The following RBFOX1 variants were observed in gnomAD, a reference collection of about 807,000 sequenced individuals.
RBFOX1 encodes RNA binding fox-1 homolog 1.
RBFOX1 carries 8 observed loss-of-function variants against 57.7 expected under a neutral mutation model. The ratio of observed to expected loss-of-function variants is 0.14; its 90% CI spans 0.08 to 0.25. The LOEUF is 0.25. Ranked by LOEUF, RBFOX1 falls within the 10% of genes least tolerant of loss-of-function variation. RBFOX1 has a pLI of 1.00. For synonymous variants in RBFOX1, 326 were observed against 222.4 expected (o/e 1.47, Z -4.15); for missense variants, 611 against 548.5 (o/e 1.11, Z -1.14).
intron 3 of RBFOX1, among the ~76,000 whole-genome samples, chr16:5,784,273 C>G (rs894718930): frequency 2.6e-5 from 4 of 151,962 alleles, no homozygotes. Flanking sequence ...TACAAAAAAA[C>G]AAAATTAGCT....
chr16:5,834,424 A>T (rs566473344), intron 3 of RBFOX1, among the ~76,000 whole-genome samples: 1 of 152,294 alleles, frequency 6.6e-6, no homozygotes, highest in East Asian at 1.9e-4. Context: ...GATGCAAAAG[A>T]TAGTATTTTG....
At chr16:6,857,314 C>T (rs1408597847) in intron 3 of RBFOX1, among the ~76,000 whole-genome samples, 1 of 152,176 alleles carries the variant, frequency 6.6e-6, no homozygotes, top group Non-Finnish European at 1.5e-5. Context: ...AACACCTTTA[C>T]TGAAGAACTA....
At chr16:6,224,600 C>T (rs1277945086) in intron 1 of RBFOX1, among the ~76,000 whole-genome samples, 1 of 152,118 alleles carries the variant, frequency 6.6e-6, no homozygotes, top group Non-Finnish European at 1.5e-5. Context: ...AACTGATTCA[C>T]CTGCTAGGTC....
intron 1 of RBFOX1, chr16:5,366,244 C>T (rs765288875): frequency 7.4e-6 from 3 of 404,176 alleles, no homozygotes; most frequent in Non-Finnish European, 1.4e-5. Context: ...AGCATGGTTC[C>T]ACAGAAAAAA....
chr16:6,476,985 C>T (rs1204628876), intron 2 of RBFOX1, among the ~76,000 whole-genome samples: 1 of 152,106 alleles, frequency 6.6e-6, no homozygotes, highest in Non-Finnish European at 1.5e-5. Flanking sequence ...TAAGAAGAAA[C>T]TCCTCATCTG....
At chr16:5,593,329 C>T (rs890763789) in intron 2 of RBFOX1, among the ~76,000 whole-genome samples, 23 of 140,036 alleles carry the variant, frequency 1.6e-4, no homozygotes, top group Non-Finnish European at 3.0e-4. Context: ...CATCACATAC[C>T]GGGGCCTGTC....
At chr16:7,701,167 G>A (rs1360678358) in intron 14 of RBFOX1, among the ~76,000 whole-genome samples, 1 of 146,798 alleles carries the variant, frequency 6.8e-6, no homozygotes, top group Non-Finnish European at 1.5e-5. Flanking sequence ...AACTCAAACA[G>A]AGCCAAGTAG....
At chr16:6,207,182 G>A (rs1011651992) in intron 1 of RBFOX1, among the ~76,000 whole-genome samples, 5 of 152,044 alleles carry the variant, frequency 3.3e-5, no homozygotes, top group East Asian at 3.9e-4. Context: ...GGACTCTTTC[G>A]TTTCCCTGTC....
intron 3 of RBFOX1, among the ~76,000 whole-genome samples, chr16:6,964,218 C>G (rs55810449): frequency 0.16 from 23,879 of 151,800 alleles, 2,246 homozygotes; most frequent in African/African-American, 0.26. Context: ...GGGGTTTCAC[C>G]TTGTTGGCCA....
chr16:7,050,264 CTT>C (rs60550468), intron 3 of RBFOX1, among the ~76,000 whole-genome samples: 4 of 121,132 alleles, frequency 3.3e-5, no homozygotes, highest in East Asian at 2.4e-4. Context: ...TTATTTTTAT[CTT>C]TTTTTTTTTT....
chr16:7,677,340 G>A (rs1329430027), intron 14 of RBFOX1, among the ~76,000 whole-genome samples: 2 of 152,152 alleles, frequency 1.3e-5, no homozygotes, highest in Non-Finnish European at 2.9e-5. Flanking sequence ...ATAAAGGAGA[G>A]GGAGAGTGTC....
At position 6,335,093 on chromosome 16, in the gene RBFOX1, C is replaced by T. The variant is rs112714291; in HGVS notation, c.-64+18036C>T. Among the ~76,000 whole-genome samples, 1,082 of 152,316 alleles carry T rather than the reference C, an allele frequency of 7.1e-3. 9 individuals carry two copies. The highest frequency in any genetic ancestry group is 0.023 in the African/African-American group (950 of 41,568). ...ATAGTTTAATTGTAGGAACATTTTT[C>T]TGCAGTTTTGTTTAGGGAATACTGC... On this transcript the variant is annotated intron_variant, in intron 2 of 15. Transcript: ENST00000550418.
chr16:5,738,769 G>C (rs1341327028), intron 3 of RBFOX1, among the ~76,000 whole-genome samples: 1 of 152,160 alleles, frequency 6.6e-6, no homozygotes, highest in Non-Finnish European at 1.5e-5. Flanking sequence ...ATGTGAATCA[G>C]GAAGTATTTA....
chr16:5,557,069 T>C (rs112220699), intron 2 of RBFOX1, among the ~76,000 whole-genome samples: 5,752 of 151,926 alleles, frequency 0.038, 363 homozygotes, highest in African/African-American at 0.13. Context: ...GCCATCCTAG[T>C]TAACACAGTG....
Position 6,716,002 on chromosome 16 carries a change from T to C in RBFOX1, c.-16+61352T>C, listed in dbSNP as rs112805673. Reference sequence around the variant, plus strand: ...TGCAGTGCCCAACTCTGTGGGGCCATTAACTTCACAGCCTACATAAAGAAG... The same window carrying C: ...TGCAGTGCCCAACTCTGTGGGGCCACTAACTTCACAGCCTACATAAAGAAG... On this transcript the variant is annotated intron_variant, in intron 3 of 15. Transcript: ENST00000550418. Among the ~76,000 whole-genome samples the C allele has an allele frequency of 3.5e-3, 434 of 123,942 alleles. 3 individuals carry two copies. Among genetic ancestry groups the C allele is most frequent in the African/African-American group, 0.013 (417 of 31,380 alleles). 81.3% of individuals were successfully genotyped at this position (123,942 alleles called of 152,430 possible).
At chr16:6,258,127 C>G (rs558755884) in intron 1 of RBFOX1, among the ~76,000 whole-genome samples, 1 of 152,094 alleles carries the variant, frequency 6.6e-6, no homozygotes, top group Non-Finnish European at 1.5e-5. Context: ...TCTTTTGTAA[C>G]GTTTTATTTA....
intron 4 of RBFOX1, among the ~76,000 whole-genome samples, chr16:7,427,666 A>G (rs1337907089): frequency 2.1e-5 from 3 of 143,206 alleles, no homozygotes; most frequent in Non-Finnish European, 3.0e-5. Flanking sequence ...TTTTTTTGAG[A>G]TGGAGTCTCT....
intron 5 of RBFOX1, among the ~76,000 whole-genome samples, chr16:7,533,647 A>G (rs1383507598): frequency 6.6e-6 from 1 of 152,198 alleles, no homozygotes; most frequent in Non-Finnish European, 1.5e-5. Flanking sequence ...TGAAGTGTCA[A>G]ATATCTCATG....
intron 4 of RBFOX1, among the ~76,000 whole-genome samples, chr16:5,887,507 T>C (rs1283801520): frequency 2.6e-5 from 4 of 152,218 alleles, no homozygotes; most frequent in Non-Finnish European, 5.9e-5. Context: ...GTTCAAGCAA[T>C]TCTCCTGCCT....
Sources: allele counts gnomAD v4.1 joint callset (sites outside exome capture counted in the v4.1 genomes callset), GRCh38; gene constraint gnomAD v4.1.1; transcripts MANE v1.5; gene names NCBI Gene and HGNC (gene_info 2026-07-23, HGNC 2026-07-21).